SCMH1: variants seen among roughly 807,000 people sequenced by gnomAD.
The protein encoded by SCMH1 is polycomb protein SCMH1.
A neutral mutation model predicts 70.8 loss-of-function variants in SCMH1; 37 were observed. That is an observed-to-expected ratio of 0.52 (90% CI 0.40 to 0.69). SCMH1 has a LOEUF of 0.69. Ranked by LOEUF, SCMH1 falls within the 30% of genes least tolerant of loss-of-function variation. SCMH1 has a pLI of 0.00. For synonymous variants in SCMH1, 292 were observed against 307.4 expected (o/e 0.95, Z 0.52); for missense variants, 607 against 827.3 (o/e 0.73, Z 3.27).
At chr1:41,069,969 T>A (rs1285137668) in intron 10 of SCMH1, among the ~76,000 whole-genome samples, 1 of 152,242 alleles carries the variant, frequency 6.6e-6, no homozygotes, top group Non-Finnish European at 1.5e-5. Flanking sequence ...GAGTGTCTGC[T>A]GAGTAACAGA....
At chr1:41,186,091 A>G (rs1339639525) in intron 2 of SCMH1, 30 bp downstream of exon 2, 2 of 1,546,694 alleles carry the variant, frequency 1.3e-6, no homozygotes, top group South Asian at 2.4e-5. Context: ...AATCCCTCTT[A>G]CCTCCACGAT....
chr1:41,028,361 A>G lies in SCMH1; in HGVS notation c.1822-42T>C, dbSNP rs1644022623. ...TGGGCAGAAGTGGAAGGGAGGCACC[A>G]TCAGAGTCCTGGTTGGTCTGACCAC... On this transcript the variant is annotated intron_variant, in intron 14 of 14. Transcript: ENST00000337495. 5 of 1,609,838 alleles carry G rather than the reference A, an allele frequency of 3.1e-6. No homozygotes were observed. In the East Asian group the frequency reaches 6.7e-5, roughly 22 times the overall value.
At chr1:41,206,616 CTT>C (rs756167798) in intron 1 of SCMH1, among the ~76,000 whole-genome samples, 2 of 152,194 alleles carry the variant, frequency 1.3e-5, no homozygotes, top group Non-Finnish European at 1.5e-5. Flanking sequence ...GGAAAACACT[CTT>C]CAGGATATTA....
chr1:41,136,003 G>C (rs1643253387), intron 6 of SCMH1, among the ~76,000 whole-genome samples: 1 of 151,492 alleles, frequency 6.6e-6, no homozygotes, highest in South Asian at 2.1e-4. Flanking sequence ...GAGTGTAGTG[G>C]TACAATCTCA....
chr1:41,127,643 T>C (rs1375687889), intron 6 of SCMH1, among the ~76,000 whole-genome samples: 1 of 152,172 alleles, frequency 6.6e-6, no homozygotes, highest in Non-Finnish European at 1.5e-5. Flanking sequence ...CAAATTAATA[T>C]GTTGAAGTCC....
chr1:41,141,239 T>C (rs537215436), intron 6 of SCMH1, among the ~76,000 whole-genome samples: 1 of 152,380 alleles, frequency 6.6e-6, no homozygotes, highest in South Asian at 2.1e-4. Context: ...CAAACTACAG[T>C]TGGCAGGCTG....
At chr1:41,194,607 G>A (rs11209659) in intron 1 of SCMH1, among the ~76,000 whole-genome samples, 37,751 of 152,080 alleles carry the variant, frequency 0.25, 5,276 homozygotes, top group Non-Finnish European at 0.31. Context: ...TAAAAATGGA[G>A]CAGACTCTTT....
chr1:41,054,946 A>C (rs1360180037), intron 10 of SCMH1, among the ~76,000 whole-genome samples: 1 of 152,028 alleles, frequency 6.6e-6, no homozygotes, highest in African/African-American at 2.4e-5. Flanking sequence ...ATCATGCCCA[A>C]CTAATTTTTA....
rs775912521 is a variant in SCMH1 at position 41,116,872 on chromosome 1, T to C, written c.501+50A>G. 8.3e-6 allele frequency: 12 copies of C among 1,446,744 alleles called. No individual in the cohort carries two copies. In the African/African-American group the frequency reaches 8.5e-5, roughly 10 times the overall value. 89.6% of individuals were successfully genotyped at this position (1,446,744 alleles called of 1,614,324 possible). A position where few individuals can be genotyped will look rare whatever the true frequency, so the allele number is the denominator to read the frequency against. On this transcript the variant is annotated intron_variant, in intron 7 of 14. Transcript: ENST00000337495. ...GTAAATGTGGACATCAAAGTCTCAATATTTGACCTTAAGCAGCCTGGAGCT... is the reference window on the plus strand; with the variant it reads ...GTAAATGTGGACATCAAAGTCTCAACATTTGACCTTAAGCAGCCTGGAGCT...
chr1:41,154,051 A>C (rs1287343374), intron 4 of SCMH1, among the ~76,000 whole-genome samples: 1 of 152,244 alleles, frequency 6.6e-6, no homozygotes. Flanking sequence ...ATGTGTGCCT[A>C]AATTAGCATG....
intron 4 of SCMH1, among the ~76,000 whole-genome samples, chr1:41,156,516 G>A (rs1001545348): frequency 6.6e-6 from 1 of 152,072 alleles, no homozygotes; most frequent in Non-Finnish European, 1.5e-5. Context: ...ACAGCTAATT[G>A]CAGCCTTGAC....
In SCMH1 at chr1:41,188,260, G is replaced by C. The variant is rs1010298046; in HGVS notation, c.-117-2010C>G. Among the ~76,000 whole-genome samples the C allele has an allele frequency of 2.6e-5, 4 of 152,286 alleles. No individual in the cohort carries two copies. The East Asian group carries it at 7.7e-4, about 29-fold the overall frequency. On this transcript the variant is annotated intron_variant, in intron 1 of 14. Coordinates refer to ENST00000337495, the Ensembl canonical transcript of SCMH1. ...TATCCAAAGCAGTGCCTCCAGAGTA[G>C]CTGGGATTATAGGCATGTGCCGCCA...
At chr1:41,104,537 C>T (rs931393686) in intron 8 of SCMH1, among the ~76,000 whole-genome samples, 5 of 152,132 alleles carry the variant, frequency 3.3e-5, no homozygotes, top group Non-Finnish European at 7.4e-5. Flanking sequence ...TCCCAATGAC[C>T]CTGATTTGAT....
At position 41,075,179 on chromosome 1, in the gene SCMH1, A is replaced by G. The variant is rs1657897828; in HGVS notation, c.978+40T>C. 1.9e-6 allele frequency: 3 copies of G among 1,598,038 alleles called. No homozygotes were observed. In the Admixed American group the frequency reaches 5.0e-5, roughly 27 times the overall value. ...GCGCCTGGCCGAATGACCCCTTTAT[A>G]AACCCTTATTCCTTTCTGGGAAACC... On this transcript the variant is annotated intron_variant, in intron 9 of 14. Transcript: ENST00000337495.
intron 10 of SCMH1, among the ~76,000 whole-genome samples, 153 bp from the exon 11 acceptor site, chr1:41,049,043 T>C (rs537974913): frequency 6.6e-6 from 1 of 152,070 alleles, no homozygotes; most frequent in African/African-American, 2.4e-5. Flanking sequence ...AGGTAGAGGG[T>C]GGAGGGTCAA....
chr1:41,238,392 T>C (rs145233304), intron 1 of SCMH1, among the ~76,000 whole-genome samples: 5 of 152,292 alleles, frequency 3.3e-5, no homozygotes, highest in South Asian at 2.1e-4. Context: ...TGAATAAAGA[T>C]AGAGATCAGA....
chr1:41,236,911 A>G (rs940142834), intron 1 of SCMH1, among the ~76,000 whole-genome samples: 1 of 152,196 alleles, frequency 6.6e-6, no homozygotes, highest in Non-Finnish European at 1.5e-5. Flanking sequence ...ACAGAAGGCC[A>G]AATGTAATTA....
intron 1 of SCMH1, among the ~76,000 whole-genome samples, chr1:41,223,810 T>C (rs536676979): frequency 1.6e-4 from 25 of 152,316 alleles, no homozygotes; most frequent in Non-Finnish European, 3.1e-4. Flanking sequence ...TTGGGTAATC[T>C]ATAAAGCTCC....
chr1:41,191,351 A>C (rs141582482), intron 1 of SCMH1, among the ~76,000 whole-genome samples: 4 of 152,378 alleles, frequency 2.6e-5, no homozygotes, highest in East Asian at 1.9e-4. Flanking sequence ...GTGTAAATGA[A>C]ATTTTTTATT....
Sources: gnomAD v4.1 joint callset for allele counts (sites outside exome capture counted in the v4.1 genomes callset) on GRCh38, gnomAD v4.1.1 for gene constraint, MANE v1.5 for transcripts, NCBI Gene and HGNC (gene_info 2026-07-23, HGNC 2026-07-21) for gene names.